KHDRBS3: variants seen among roughly 807,000 people sequenced by gnomAD.
KHDRBS3 encodes KH RNA binding domain containing, signal transduction associated 3.
Under a neutral mutation model 45.6 loss-of-function variants are expected in KHDRBS3, and 23 were observed. That is an observed-to-expected ratio of 0.50 (90% CI 0.36 to 0.72). The LOEUF (loss-of-function observed/expected upper bound fraction) is 0.72, where lower values mean the gene tolerates loss of function less well. Among genes scored for constraint, KHDRBS3 ranks in the 30% least tolerant of loss-of-function variants. The pLI, the probability that KHDRBS3 is intolerant of heterozygous loss-of-function variation, is 0.00. For synonymous variants in KHDRBS3, 162 were observed against 156.5 expected (o/e 1.04, Z -0.26); for missense variants, 352 against 424.8 (o/e 0.83, Z 1.51).
At chr8:135,531,041 T>G (rs1825448974) in intron 2 of KHDRBS3, among the ~76,000 whole-genome samples, 2 of 152,230 alleles carry the variant, frequency 1.3e-5, no homozygotes. Context: ...TTCATGTTTA[T>G]GGGCTTCATA....
intron 1 of KHDRBS3, among the ~76,000 whole-genome samples, chr8:135,495,804 G>T (rs746795875): frequency 3.9e-5 from 6 of 152,144 alleles, no homozygotes; most frequent in Non-Finnish European, 7.3e-5. Context: ...GAAGAGTGGT[G>T]AAGAGTGGAG....
At chr8:135,609,041 A>G (rs1829592806) in intron 7 of KHDRBS3, among the ~76,000 whole-genome samples, 1 of 152,210 alleles carries the variant, frequency 6.6e-6, no homozygotes, top group Non-Finnish European at 1.5e-5. Flanking sequence ...GGCCTAGGAC[A>G]TTACCGCGCA....
intron 7 of KHDRBS3, among the ~76,000 whole-genome samples, chr8:135,614,909 T>C (rs1053150233): frequency 1.3e-5 from 2 of 151,752 alleles, no homozygotes; most frequent in Non-Finnish European, 2.9e-5. Flanking sequence ...GCATCTAGCA[T>C]TGGCAAGTGG....
intron 1 of KHDRBS3, among the ~76,000 whole-genome samples, chr8:135,464,699 C>T (rs1361794724): frequency 3.3e-5 from 5 of 152,160 alleles, no homozygotes; most frequent in Non-Finnish European, 4.4e-5. Context: ...TTCTGGTTTA[C>T]GTGCTTTATG....
At chr8:135,559,274 A>G (rs1827050475) in intron 5 of KHDRBS3, among the ~76,000 whole-genome samples, 1 of 151,944 alleles carries the variant, frequency 6.6e-6, no homozygotes, top group Non-Finnish European at 1.5e-5. Context: ...CTACTAGTCT[A>G]GTTAGTTTTA....
At position 135,481,223 on chromosome 8, in the gene KHDRBS3, G is replaced by GAGATATATATAT. The variant is rs376347444; in HGVS notation, c.88+23270_88+23271insGATATATATATA. The stretch of plus-strand genomic sequence containing the variant: ...TTCTTGTCTGATTCATGAAAGCCAC[G>GAGATATATATAT]ATATATATATATATATATATATATA... On this transcript the variant is annotated intron_variant, in intron 1 of 8. Coordinates refer to ENST00000355849, the MANE Select transcript of KHDRBS3 (RefSeq NM_006558.3). Among the ~76,000 whole-genome samples the GAGATATATATAT allele has an allele frequency of 1.0e-4, 8 of 77,408 alleles. No homozygotes were observed. In the South Asian group the frequency reaches 3.9e-3, roughly 38 times the overall value. 50.8% of individuals were successfully genotyped at this position (77,408 alleles called of 152,430 possible). A position where few individuals can be genotyped will look rare whatever the true frequency, so the allele number is the denominator to read the frequency against.
At chr8:135,543,526 A>G (rs1173625963) in intron 3 of KHDRBS3, among the ~76,000 whole-genome samples, 2 of 152,174 alleles carry the variant, frequency 1.3e-5, no homozygotes, top group Non-Finnish European at 2.9e-5. Context: ...GGTGATTTAA[A>G]CACAATCCAA....
chr8:135,458,187 A>G, intron 1 of KHDRBS3: 1 of 1,301,294 alleles, frequency 7.7e-7, no homozygotes, highest in Non-Finnish European at 9.8e-7. Context: ...CGCATGGGTG[A>G]GACTTGAAGG....
At chr8:135,520,409 A>C (rs1037408077) in intron 1 of KHDRBS3, among the ~76,000 whole-genome samples, 1 of 152,168 alleles carries the variant, frequency 6.6e-6, no homozygotes, top group African/African-American at 2.4e-5. Context: ...TTTATGCTAA[A>C]ATTTTCTAGG....
intron 5 of KHDRBS3, among the ~76,000 whole-genome samples, chr8:135,569,496 C>CAG (rs1827594547): frequency 6.6e-6 from 1 of 152,106 alleles, no homozygotes; most frequent in African/African-American, 2.4e-5. Context: ...AGGAGTTTTT[C>CAG]TAAGTTTGGA....
At chr8:135,578,810 G>A (rs1295824167) in intron 5 of KHDRBS3, among the ~76,000 whole-genome samples, 2 of 152,190 alleles carry the variant, frequency 1.3e-5, no homozygotes, top group East Asian at 3.9e-4. Flanking sequence ...TAGTTGGGAA[G>A]AACTGGAGTC....
At chr8:135,545,943 G>C (rs1244017929) in intron 3 of KHDRBS3, among the ~76,000 whole-genome samples, 1 of 152,094 alleles carries the variant, frequency 6.6e-6, no homozygotes, top group African/African-American at 2.4e-5. Context: ...TTCGAGACCA[G>C]CCTGGCCAAC....
intron 1 of KHDRBS3, among the ~76,000 whole-genome samples, chr8:135,509,386 G>A (rs185962267): frequency 3.3e-5 from 5 of 152,184 alleles, no homozygotes; most frequent in Admixed American, 6.5e-5. Context: ...TTTCTGTCCC[G>A]GCACTCTGAG....
chr8:135,567,371 T>A (rs1827478933), intron 5 of KHDRBS3, among the ~76,000 whole-genome samples: 2 of 152,288 alleles, frequency 1.3e-5, no homozygotes, highest in South Asian at 4.1e-4. Context: ...TTCATTAGTA[T>A]ATTTTCATTA....
intron 4 of KHDRBS3, among the ~76,000 whole-genome samples, chr8:135,655,041 T>G (rs1334129282): frequency 6.6e-6 from 1 of 152,240 alleles, no homozygotes; most frequent in East Asian, 1.9e-4. Context: ...ATCCCTTGTA[T>G]GCTCCTTGAG....
intron 5 of KHDRBS3, among the ~76,000 whole-genome samples, chr8:135,577,427 A>C (rs1586747709): frequency 6.9e-6 from 1 of 145,418 alleles, no homozygotes; most frequent in South Asian, 2.4e-4. Flanking sequence ...TCCACCCCTT[A>C]AACTGTGTTA....
At chr8:135,473,867 CT>C (rs1822138532) in intron 1 of KHDRBS3, among the ~76,000 whole-genome samples, 2 of 152,308 alleles carry the variant, frequency 1.3e-5, no homozygotes, top group South Asian at 4.1e-4. Context: ...GAAGCCCCAC[CT>C]TCTAGCACTG....
chr8:135,508,155 T>C (rs1010173854), intron 1 of KHDRBS3, among the ~76,000 whole-genome samples: 3 of 152,208 alleles, frequency 2.0e-5, no homozygotes, highest in African/African-American at 7.2e-5. Flanking sequence ...GGACATAGAA[T>C]GATAAATCCT....
At chr8:135,509,507 A>G (rs1051802499) in intron 1 of KHDRBS3, among the ~76,000 whole-genome samples, 4 of 152,164 alleles carry the variant, frequency 2.6e-5, no homozygotes, top group African/African-American at 4.8e-5. Flanking sequence ...CCCATCTTCA[A>G]TTTCTACTCT....
Sources: gnomAD v4.1 joint callset for allele counts (sites outside exome capture counted in the v4.1 genomes callset) on GRCh38, gnomAD v4.1.1 for gene constraint, MANE v1.5 for transcripts, NCBI Gene and HGNC (gene_info 2026-07-23, HGNC 2026-07-21) for gene names.